Variants in CALHM4 observed in about 807,000 individuals in gnomAD.
CALHM4 encodes the protein calcium homeostasis modulator protein 4.
In CALHM4, 16 loss-of-function variants were observed where a neutral mutation model predicts 13.3. That is an observed-to-expected ratio of 1.20 (90% CI 0.81 to 1.82). The LOEUF is 1.82. Among genes scored for constraint, CALHM4 ranks in the 40% most tolerant of loss-of-function variants. The pLI, the probability that CALHM4 is intolerant of heterozygous loss-of-function variation, is 0.00. For missense variants in CALHM4, 344 were observed against 374.9 expected (o/e 0.92, Z 0.68); for synonymous variants, 127 against 137.1 (o/e 0.93, Z 0.52).
At chr6:116,532,962 TA>T (rs1371510058) in intron 1 of CALHM4, among the ~76,000 whole-genome samples, 1 of 152,240 alleles carries the variant, frequency 6.6e-6, no homozygotes, top group Non-Finnish European at 1.5e-5. Flanking sequence ...CAGAAAGATC[TA>T]ATGAACATTT....
At chr6:116,540,573 C>A in intron 1 of CALHM4, 1 of 1,086,316 alleles carries the variant, frequency 9.2e-7, no homozygotes, top group Non-Finnish European at 1.3e-6. Context: ...AATCACAAAT[C>A]AAACCAAATA....
Position 116,554,365 on chromosome 6 carries a change from A to G in CALHM4, c.558+14A>G, listed in dbSNP as rs1327617315. 6.6e-7 allele frequency: 1 copy of G among 1,508,750 alleles called. No individual in the cohort carries two copies. The highest frequency in any genetic ancestry group is 2.5e-5 in the East Asian group (1 of 40,618). The allele number at this position is 1,508,750 out of a possible 1,614,324, so 93.5% of individuals were successfully genotyped here. On this transcript the variant is annotated intron_variant, in intron 1 of 1. Coordinates refer to ENST00000368596, the MANE Select transcript of CALHM4 (RefSeq NM_001366078.2). Reference sequence around the variant, plus strand: ...TACCAGTCACAGGTAAGTTTTTAGAATTTTTTTCCCTCTGCTATGTTATCC... The same window carrying G: ...TACCAGTCACAGGTAAGTTTTTAGAGTTTTTTTCCCTCTGCTATGTTATCC...
rs184881943 is a variant in CALHM4, at chr6:116,558,262, G to A, written c.*51G>A. The A allele has an allele frequency of 2.0e-6, 3 of 1,536,728 alleles. No individual in the cohort carries two copies. In the East Asian group the frequency reaches 6.8e-5, roughly 35 times the overall value. ...TGCTTAGCAGATACTTGGCTTTTAT[G>A]GCTTTTATGATCAGGCCATTTCAAT... On this transcript the variant is annotated 3_prime_UTR_variant, in exon 2 of 2. Transcript: ENST00000368596.
intron 2 of CALHM4, among the ~76,000 whole-genome samples, chr6:116,544,105 G>T (rs1386248305): frequency 6.7e-6 from 1 of 148,250 alleles, no homozygotes; most frequent in African/African-American, 2.4e-5. Context: ...AAGACAAAGT[G>T]CTGCCATGTA....
Position 116,557,949 on chromosome 6 carries a change from A to G in CALHM4, c.683A>G (p.Glu228Gly), listed in dbSNP as rs1401012141. Reference sequence around the variant, plus strand: ...TACTGGACCAGCCACCTCCAGAATGAGAGAGAACTCTTTGAACAAGCAGCA... The same window carrying G: ...TACTGGACCAGCCACCTCCAGAATGGGAGAGAACTCTTTGAACAAGCAGCA... ...HCYWTSHLQNERELFEQAAEQ... is the reference protein window; with the variant it reads ...HCYWTSHLQNGRELFEQAAEQ... Residue 228 changes from glutamate to glycine, a missense_variant, in exon 2 of 2, where the codon GAG becomes GGG. By Grantham distance (98) the Glu-to-Gly change is moderately conservative (BLOSUM62 -2). Coordinates refer to ENST00000368596, the MANE Select transcript of CALHM4 (RefSeq NM_001366078.2). 1.2e-6 allele frequency: 2 copies of G among 1,614,160 alleles called. No homozygotes were observed. Among genetic ancestry groups the G allele is most frequent in the Non-Finnish European group, 1.7e-6 (2 of 1,180,022 alleles).
upstream of CALHM4, among the ~76,000 whole-genome samples, chr6:116,551,992 AC>A (rs1169123398): frequency 1.3e-5 from 2 of 152,154 alleles, no homozygotes; most frequent in African/African-American, 4.8e-5. Context: ...AATTGAATGG[AC>A]TTTTAAAAGA....
intron 1 of CALHM4, among the ~76,000 whole-genome samples, chr6:116,557,174 G>A (rs377269631): frequency 1.6e-4 from 24 of 152,158 alleles, no homozygotes; most frequent in African/African-American, 5.1e-4. Flanking sequence ...CTGGCCTCAA[G>A]TGATCCGCCT....
At chr6:116,542,196 TAGAC>T (rs1773504029) in intron 1 of CALHM4, among the ~76,000 whole-genome samples, 2 of 152,284 alleles carry the variant, frequency 1.3e-5, no homozygotes, top group South Asian at 4.1e-4. Context: ...CTCACAGCTA[TAGAC>T]AGACAGTTCA....
At chr6:116,549,980 TTATATATATATATATATATATATATA>T (rs10544532), upstream of CALHM4, among the ~76,000 whole-genome samples, 9 of 82,038 alleles carry the variant, frequency 1.1e-4, no homozygotes, top group Middle Eastern at 5.4e-3. Flanking sequence ...CCATCTTAAA[TTATATATATATATATATATATATATA>T]TATATATATA....
At chr6:116,550,009 TATATATATATATATATACACAC>T (rs1773992326), upstream of CALHM4, among the ~76,000 whole-genome samples, 3 of 122,124 alleles carry the variant, frequency 2.5e-5, no homozygotes, top group Non-Finnish European at 5.0e-5. Context: ...TATATATATA[TATATATATATATATATACACAC>T]ACACACACAC....
At position 116,557,847 on chromosome 6, in the gene CALHM4, C is replaced by T. The variant is rs1228571050; in HGVS notation, c.581C>T (p.Thr194Ile). Residue 194 changes from threonine to isoleucine, a missense_variant, in exon 2 of 2, where the codon ACC (threonine) becomes ATC (isoleucine). Coordinates refer to ENST00000368596, the MANE Select transcript of CALHM4 (RefSeq NM_001366078.2). ...AAGATGCTGGGTTGGATTTTGATCA[C>T]CTTGGCAACCATTGCTGCCTTAGTC... is the stretch of plus-strand genomic sequence containing the variant. ...QSQMLGWILI[T>I]LATIAALVSC... The T allele has an allele frequency of 6.2e-7, 1 of 1,613,646 alleles. No homozygotes were observed. Among genetic ancestry groups the T allele is most frequent in the East Asian group, 2.2e-5 (1 of 44,874 alleles).
At chr6:116,556,945 T>TG (rs1420861358) in intron 1 of CALHM4, among the ~76,000 whole-genome samples, 2 of 147,902 alleles carry the variant, frequency 1.4e-5, no homozygotes, top group Non-Finnish European at 1.5e-5. Context: ...TAATCTTTTT[T>TG]TTTTTTTTTT....
In CALHM4 at chr6:116,554,025, A is replaced by G; in HGVS notation, c.232A>G (p.Thr78Ala). The change falls in exon 1 of 2, where the codon ACC (threonine) becomes GCC (alanine). Residue 78 changes from threonine to alanine, a missense_variant. Coordinates refer to ENST00000368596, the MANE Select transcript of CALHM4 (RefSeq NM_001366078.2). The part of the protein sequence containing the change: ...FALRSQMWTI[T>A]GEYCCSCAPP... ...TCTGAGAAGCCAAATGTGGACAATTACCGGTGAATACTGCTGCAGCTGTGC... is the reference window on the plus strand; with the variant it reads ...TCTGAGAAGCCAAATGTGGACAATTGCCGGTGAATACTGCTGCAGCTGTGC... 4 of 1,550,662 alleles carry G rather than the reference A, an allele frequency of 2.6e-6. No individual in the cohort carries two copies. The highest frequency in any genetic ancestry group is 3.5e-6 in the Non-Finnish European group (4 of 1,147,012).
Position 116,558,238 on chromosome 6 carries a change from G to T in CALHM4, c.*27G>T. 6.3e-7 allele frequency: 1 copy of T among 1,579,098 alleles called. No homozygotes were observed. Among genetic ancestry groups the T allele is most frequent in the Non-Finnish European group, 8.6e-7 (1 of 1,164,388 alleles). ...TACAGCACCTTTCATGAGTCAGGTTGCTTAGCAGATACTTGGCTTTTATGG... is the reference window on the plus strand; with the variant it reads ...TACAGCACCTTTCATGAGTCAGGTTTCTTAGCAGATACTTGGCTTTTATGG... On this transcript the variant is annotated 3_prime_UTR_variant, in exon 2 of 2. Coordinates refer to ENST00000368596, the MANE Select transcript of CALHM4 (RefSeq NM_001366078.2).
At chr6:116,546,512 T>C (rs1240036844) in intron 2 of CALHM4, among the ~76,000 whole-genome samples, 1 of 152,222 alleles carries the variant, frequency 6.6e-6, no homozygotes, top group Non-Finnish European at 1.5e-5. Flanking sequence ...CAAGAATACT[T>C]TGACGAAAAG....
intron 1 of CALHM4, among the ~76,000 whole-genome samples, chr6:116,534,797 T>G (rs1334628979): frequency 1.3e-5 from 2 of 152,194 alleles, no homozygotes; most frequent in African/African-American, 4.8e-5. Flanking sequence ...AAAGAAAAGT[T>G]CTCTTCTTTT....
intron 1 of CALHM4, among the ~76,000 whole-genome samples, chr6:116,537,511 A>G (rs1054793465): frequency 6.6e-6 from 1 of 152,088 alleles, no homozygotes; most frequent in Non-Finnish European, 1.5e-5. Flanking sequence ...CTGAGATATG[A>G]ATTCATTTTC....
At chr6:116,547,975 G>A (rs1231259309) in intron 2 of CALHM4, among the ~76,000 whole-genome samples, 6 of 152,194 alleles carry the variant, frequency 3.9e-5, no homozygotes, top group Non-Finnish European at 4.4e-5. Flanking sequence ...TTGGGAAGGT[G>A]CTAATAGAGG....
chr6:116,532,256 C>CT (rs1042814129), intron 1 of CALHM4, among the ~76,000 whole-genome samples: 2 of 152,118 alleles, frequency 1.3e-5, no homozygotes, highest in South Asian at 2.1e-4. Context: ...TATTTTCTCT[C>CT]TTTTTTGTCT....
Sources: allele counts gnomAD v4.1 joint callset (sites outside exome capture counted in the v4.1 genomes callset), GRCh38; gene constraint gnomAD v4.1.1; transcripts MANE v1.5; gene names NCBI Gene and HGNC (gene_info 2026-07-23, HGNC 2026-07-21).